Variants in HMBOX1 observed in about 807,000 individuals in gnomAD.
HMBOX1 encodes homeobox containing 1.
In HMBOX1, 14 loss-of-function variants were observed where a neutral mutation model predicts 54.5. The observed-to-expected ratio is 0.26, with a 90% CI of 0.17 to 0.40. HMBOX1 has a LOEUF of 0.40. Ranked by LOEUF, HMBOX1 falls within the 10% of genes least tolerant of loss-of-function variation. The pLI is 1.00. For missense variants in HMBOX1, 332 were observed against 514.4 expected (o/e 0.65, Z 3.43); for synonymous variants, 160 against 181.0 (o/e 0.88, Z 0.93).
At chr8:29,036,199 T>C (rs1803835505) in intron 6 of HMBOX1, among the ~76,000 whole-genome samples, 1 of 152,124 alleles carries the variant, frequency 6.6e-6, no homozygotes, top group African/African-American at 2.4e-5. Flanking sequence ...AAACATAGAG[T>C]CTTTGCAGTG....
intron 1 of HMBOX1, among the ~76,000 whole-genome samples, chr8:28,917,670 A>G (rs1007171106): frequency 2.6e-5 from 4 of 152,098 alleles, no homozygotes; most frequent in Admixed American, 6.6e-5. Context: ...TAAATATGAT[A>G]TATTTAGGGT....
chr8:29,045,748 A>G (rs1805477652), intron 7 of HMBOX1, among the ~76,000 whole-genome samples: 1 of 152,262 alleles, frequency 6.6e-6, no homozygotes, highest in African/African-American at 2.4e-5. Context: ...TTTAGCTAAA[A>G]GATATTATGA....
intron 1 of HMBOX1, chr8:28,915,556 C>CAAAAAA (rs565018135): frequency 8.4e-6 from 1 of 119,402 alleles, no homozygotes; most frequent in Non-Finnish European, 1.7e-5. Context: ...GACTCTGTCT[C>CAAAAAA]AAAAAAAAAA....
intron 5 of HMBOX1, among the ~76,000 whole-genome samples, chr8:29,017,454 G>T (rs1273809813): frequency 6.6e-6 from 1 of 152,198 alleles, no homozygotes; most frequent in Non-Finnish European, 1.5e-5. Flanking sequence ...AGGAAACCAT[G>T]ATTGTGAAAG....
chr8:28,927,933 G>A (rs550795112), intron 1 of HMBOX1, among the ~76,000 whole-genome samples: 1 of 150,460 alleles, frequency 6.6e-6, no homozygotes, highest in African/African-American at 2.4e-5. Flanking sequence ...TCAAGAGATC[G>A]AGACCATCCT....
At chr8:29,009,546 C>CA in intron 5 of HMBOX1, 1 of 483,850 alleles carries the variant, frequency 2.1e-6, no homozygotes, top group South Asian at 9.2e-5. Flanking sequence ...TTTTTTTTTG[C>CA]AAATCTTGTT....
chr8:29,037,460 T>TTG lies in HMBOX1; in HGVS notation c.852-7900_852-7899dup, dbSNP rs536820820. ...ATTAGCACGTGCTTAATATATAAAA[T>TTG]TGAGGGATACACAGGAAAATATAAA... On this transcript the variant is annotated intron_variant, in intron 6 of 9. Coordinates refer to ENST00000287701, the MANE Select transcript of HMBOX1 (RefSeq NM_001135726.3). 1.4e-4 allele frequency among the ~76,000 whole-genome samples: 21 copies of TTG among 152,284 alleles called. No individual in the cohort carries two copies. In the South Asian group the frequency reaches 4.3e-3, roughly 32 times the overall value.
chr8:28,998,265 A>G lies in HMBOX1; in HGVS notation c.587-10807A>G, dbSNP rs528297253. 3.3e-5 allele frequency among the ~76,000 whole-genome samples: 5 copies of G among 152,288 alleles called. No homozygotes were observed. In the East Asian group the frequency reaches 7.7e-4, roughly 23 times the overall value. On this transcript the variant is annotated intron_variant, in intron 4 of 9. Transcript: ENST00000287701. ...TGAAAGTGGTATATTGATATCTCCA[A>G]CTATTATTGTTGAATTATCTCTTTC...
intron 3 of HMBOX1, among the ~76,000 whole-genome samples, chr8:28,977,768 G>T (rs1385252510): frequency 6.6e-6 from 1 of 151,820 alleles, no homozygotes; most frequent in Non-Finnish European, 1.5e-5. Context: ...GTGAAACCCC[G>T]TGTCTACTAA....
In HMBOX1 at chr8:28,986,471, G is replaced by A. The variant is rs533913914; in HGVS notation, c.586+6315G>A. On this transcript the variant is annotated intron_variant, in intron 4 of 9. Coordinates refer to ENST00000287701, the MANE Select transcript of HMBOX1 (RefSeq NM_001135726.3). ...TAATACAACCAGAAATAATTATCTT[G>A]CTTATTTAACAAGATTTTATGAATT... 7.9e-4 allele frequency among the ~76,000 whole-genome samples: 121 copies of A among 152,214 alleles called. 1 individual carries two copies. The highest frequency in any genetic ancestry group is 2.9e-3 in the African/African-American group (121 of 41,556).
chr8:28,999,282 G>T (rs1468559421), intron 4 of HMBOX1, among the ~76,000 whole-genome samples: 2 of 152,142 alleles, frequency 1.3e-5, no homozygotes, highest in Non-Finnish European at 2.9e-5. Context: ...TTGCTTGTAT[G>T]TAATGGGTCA....
intron 1 of HMBOX1, among the ~76,000 whole-genome samples, chr8:28,962,190 AAATT>A (rs899395063): frequency 8.3e-4 from 126 of 152,316 alleles, no homozygotes; most frequent in African/African-American, 2.8e-3. Context: ...GAGCTTTATG[AAATT>A]GAGAGAATTC....
At chr8:28,993,594 G>A (rs190205262) in intron 4 of HMBOX1, among the ~76,000 whole-genome samples, 118 of 152,266 alleles carry the variant, frequency 7.7e-4, no homozygotes, top group African/African-American at 2.7e-3. Context: ...GTAAGGTATG[G>A]ATGGAAGATG....
At chr8:28,912,937 G>A (rs1371903063) in intron 1 of HMBOX1, among the ~76,000 whole-genome samples, 1 of 152,134 alleles carries the variant, frequency 6.6e-6, no homozygotes, top group African/African-American at 2.4e-5. Flanking sequence ...ATTGCTTATT[G>A]TAGGAAATGA....
intron 1 of HMBOX1, among the ~76,000 whole-genome samples, chr8:28,961,727 C>A (rs1003884391): frequency 5.3e-5 from 8 of 152,016 alleles, no homozygotes; most frequent in Admixed American, 3.3e-4. Flanking sequence ...TATGGTAATT[C>A]TGTATTTAGT....
At chr8:28,931,056 CTTTT>C (rs1819396360) in intron 1 of HMBOX1, among the ~76,000 whole-genome samples, 1 of 152,110 alleles carries the variant, frequency 6.6e-6, no homozygotes, top group African/African-American at 2.4e-5. Context: ...CCTCAACTCT[CTTTT>C]TTGTTGTTGT....
chr8:29,023,385 A>G (rs1290199404), intron 6 of HMBOX1, among the ~76,000 whole-genome samples: 1 of 152,082 alleles, frequency 6.6e-6, no homozygotes, highest in African/African-American at 2.4e-5. Context: ...ACCTCAGTCA[A>G]TTTTAGAACA....
intron 1 of HMBOX1, among the ~76,000 whole-genome samples, chr8:28,909,784 G>C (rs1488319314): frequency 6.6e-6 from 1 of 152,028 alleles, no homozygotes; most frequent in Non-Finnish European, 1.5e-5. Context: ...TGTATTAAGT[G>C]TACTGCTCAA....
chr8:28,922,002 G>C (rs1182323708), intron 1 of HMBOX1, among the ~76,000 whole-genome samples: 1 of 152,192 alleles, frequency 6.6e-6, no homozygotes, highest in Non-Finnish European at 1.5e-5. Context: ...ATGAACTAAT[G>C]TCATCAGGAA....
Sources: gnomAD v4.1 joint callset for allele counts (sites outside exome capture counted in the v4.1 genomes callset) on GRCh38, gnomAD v4.1.1 for gene constraint, MANE v1.5 for transcripts, NCBI Gene and HGNC (gene_info 2026-07-23, HGNC 2026-07-21) for gene names.